The following VAPB variants were observed in gnomAD, a reference collection of about 807,000 sequenced individuals.
VAPB encodes the protein vesicle-associated membrane protein-associated protein B/C.
A neutral mutation model predicts 25.6 loss-of-function variants in VAPB; 7 were observed. The observed-to-expected ratio is 0.27, with a 90% confidence interval of 0.16 to 0.51. The LOEUF (loss-of-function observed/expected upper bound fraction) is 0.51, where lower values mean the gene tolerates loss of function less well. Among genes scored for constraint, VAPB ranks in the 20% least tolerant of loss-of-function variants. The pLI, the probability that VAPB is intolerant of heterozygous loss-of-function variation, is 0.97. For synonymous variants in VAPB, 112 were observed against 109.2 expected, an observed-to-expected ratio of 1.03 and a Z score of -0.16; for missense variants, 266 against 301.3, an observed-to-expected ratio of 0.88 and a Z score of 0.87.
intron 1 of VAPB, among the ~76,000 whole-genome samples, chr20:58,411,682 T>A (rs1988383697): frequency 6.6e-6 from 1 of 151,954 alleles, no homozygotes; most frequent in African/African-American, 2.4e-5. Context: ...ATTTTATTTT[T>A]ATTATTTTTT....
chr20:58,444,672 G>T lies in VAPB; in HGVS notation c.*437G>T. 1 of 454,510 alleles carries T rather than the reference G, an allele frequency of 2.2e-6. No individual in the cohort carries two copies. Among genetic ancestry groups the T allele is most frequent in the South Asian group, 1.6e-5 (1 of 64,482 alleles). 28.2% of individuals were successfully genotyped at this position (454,510 alleles called of 1,614,324 possible). On this transcript the variant is annotated 3_prime_UTR_variant, in exon 6 of 6. Transcript: ENST00000475243. ...GTCAGCTCCACACAGTAGTCCCCAC[G>T]TGGCCCACTCCCGGCCCAGGCTGCT...
chr20:58,446,783 T>C lies in VAPB; in HGVS notation c.*2548T>C. ...AACAGGTGACTGATGGGAAGGTTGA[T>C]TATTTTCTCAGTCATCCTGGCAGCC... On this transcript the variant is annotated 3_prime_UTR_variant, in exon 6 of 6. Transcript: ENST00000475243. 2.2e-6 allele frequency: 1 copy of C among 454,080 alleles called. No homozygotes were observed. The highest frequency in any genetic ancestry group is 1.6e-5 in the South Asian group (1 of 64,472). The allele number at this position is 454,080 out of a possible 1,614,324, so 28.1% of individuals were successfully genotyped here. A position where few individuals can be genotyped will look rare whatever the true frequency, so the allele number is the denominator to read the frequency against.
intron 1 of VAPB, among the ~76,000 whole-genome samples, chr20:58,390,894 C>T (rs767062375): frequency 8.5e-5 from 13 of 152,194 alleles, no homozygotes; most frequent in Non-Finnish European, 1.8e-4. Context: ...GTCACTTTGC[C>T]TTCCAAGTTA....
intron 1 of VAPB, among the ~76,000 whole-genome samples, chr20:58,417,319 G>T (rs1215037023): frequency 6.6e-6 from 1 of 152,186 alleles, no homozygotes; most frequent in African/African-American, 2.4e-5. Flanking sequence ...GCACATGTGT[G>T]TATGTATTGT....
rs1989141693 is a variant in VAPB, at chr20:58,440,756, A to G, written c.397-151A>G. 5.4e-5 allele frequency: 38 copies of G among 699,986 alleles called. 1 individual carries two copies. The South Asian group carries it at 6.5e-4, about 12-fold the overall frequency. 43.4% of individuals were successfully genotyped at this position (699,986 alleles called of 1,614,324 possible). A position where few individuals can be genotyped will look rare whatever the true frequency, so the allele number is the denominator to read the frequency against. ...CTTTAGATTATTAAGATATCAGATAAAGTAATCCATTTTTAAAATAAATGT... is the reference window on the plus strand; with the variant it reads ...CTTTAGATTATTAAGATATCAGATAGAGTAATCCATTTTTAAAATAAATGT... On this transcript the variant is annotated intron_variant, in intron 4 of 5. Transcript: ENST00000475243.
chr20:58,428,681 A>G (rs988748599), intron 2 of VAPB, among the ~76,000 whole-genome samples: 3 of 152,242 alleles, frequency 2.0e-5, no homozygotes, highest in Admixed American at 1.3e-4. Flanking sequence ...ATAGTCTGCC[A>G]TGGTAAAAAG....
intron 1 of VAPB, among the ~76,000 whole-genome samples, chr20:58,409,417 A>AT (rs1363782471): frequency 1.3e-5 from 2 of 152,108 alleles, no homozygotes; most frequent in Non-Finnish European, 2.9e-5. Flanking sequence ...ATTTTAGTGT[A>AT]TTTTTCCCAC....
At chr20:58,410,352 C>T (rs1221558432) in intron 1 of VAPB, among the ~76,000 whole-genome samples, 1 of 152,232 alleles carries the variant, frequency 6.6e-6, no homozygotes, top group Middle Eastern at 3.4e-3. Context: ...TTTTACTGTC[C>T]TAAAACTGCT....
intron 1 of VAPB, among the ~76,000 whole-genome samples, chr20:58,395,235 T>C (rs1050002219): frequency 1.4e-5 from 2 of 146,212 alleles, no homozygotes; most frequent in African/African-American, 5.1e-5. Flanking sequence ...CACTGCAACC[T>C]CCGCCTCCTG....
rs1266795904 is a variant in VAPB at position 58,445,521 on chromosome 20, G to C, written c.*1286G>C. ...GTTTGACTATGTAGCATCTTGAAAA[G>C]AAAAATTATAATAAAGCCCCAAAAT... is the stretch of plus-strand genomic sequence containing the variant. On this transcript the variant is annotated 3_prime_UTR_variant, in exon 6 of 6. Coordinates refer to ENST00000475243, the MANE Select transcript of VAPB (RefSeq NM_004738.5). 1 of 454,306 alleles carries C rather than the reference G, an allele frequency of 2.2e-6. No homozygotes were observed. The highest frequency in any genetic ancestry group is 2.4e-5 in the Admixed American group (1 of 42,548). 28.1% of individuals were successfully genotyped at this position (454,306 alleles called of 1,614,324 possible). A position where few individuals can be genotyped will look rare whatever the true frequency, so the allele number is the denominator to read the frequency against.
chr20:58,445,068 G>C lies in VAPB; in HGVS notation c.*833G>C, dbSNP rs900811227. The stretch of plus-strand genomic sequence containing the variant: ...CTGCTGGAGGGCTGTGGGCTCCTCT[G>C]TCTCTGGAGAGTCTGGTCATGTGGA... On this transcript the variant is annotated 3_prime_UTR_variant, in exon 6 of 6. Coordinates refer to ENST00000475243, the MANE Select transcript of VAPB (RefSeq NM_004738.5). 2.2e-6 allele frequency: 1 copy of C among 454,634 alleles called. No individual in the cohort carries two copies. The highest frequency in any genetic ancestry group is 2.0e-5 in the African/African-American group (1 of 49,988). 28.2% of individuals were successfully genotyped at this position (454,634 alleles called of 1,614,324 possible). A position where few individuals can be genotyped will look rare whatever the true frequency, so the allele number is the denominator to read the frequency against.
At chr20:58,420,257 T>G (rs1003664475) in intron 2 of VAPB, among the ~76,000 whole-genome samples, 5 of 152,206 alleles carry the variant, frequency 3.3e-5, no homozygotes, top group Non-Finnish European at 7.3e-5. Flanking sequence ...AGTGCTGGGA[T>G]TACAGGCGTG....
At chr20:58,409,638 A>G (rs1282095027) in intron 1 of VAPB, among the ~76,000 whole-genome samples, 2 of 152,210 alleles carry the variant, frequency 1.3e-5, no homozygotes, top group African/African-American at 4.8e-5. Context: ...ATAAAATAAT[A>G]TAGCTTTTTT....
chr20:58,395,472 T>G (rs981774739), intron 1 of VAPB, among the ~76,000 whole-genome samples: 2 of 152,122 alleles, frequency 1.3e-5, no homozygotes, highest in African/African-American at 4.8e-5. Context: ...ATATCCCCAC[T>G]TTTTTGAAAA....
chr20:58,435,020 C>A (rs547370948), intron 3 of VAPB, among the ~76,000 whole-genome samples: 1 of 152,260 alleles, frequency 6.6e-6, no homozygotes, highest in African/African-American at 2.4e-5. Flanking sequence ...CCTCTCCTTT[C>A]TGCCCCGACA....
intron 1 of VAPB, among the ~76,000 whole-genome samples, chr20:58,407,827 TC>T (rs1988269938): frequency 6.6e-6 from 1 of 152,230 alleles, no homozygotes; most frequent in South Asian, 2.1e-4. Context: ...TGTATAGTAT[TC>T]CTTCATGAGA....
At chr20:58,414,511 G>C (rs555284859) in intron 1 of VAPB, among the ~76,000 whole-genome samples, 1 of 151,932 alleles carries the variant, frequency 6.6e-6, no homozygotes, top group African/African-American at 2.4e-5. Context: ...TCTCAGACGG[G>C]GCGGTGGGGC....
chr20:58,447,888 G>C lies in VAPB; in HGVS notation c.*3653G>C. The C allele has an allele frequency of 2.2e-6, 1 of 453,580 alleles. No individual in the cohort carries two copies. The highest frequency in any genetic ancestry group is 4.4e-6 in the Non-Finnish European group (1 of 226,724). 28.1% of individuals were successfully genotyped at this position (453,580 alleles called of 1,614,324 possible). A position where few individuals can be genotyped will look rare whatever the true frequency, so the allele number is the denominator to read the frequency against. ...ATGTATGAAGAGATAGGGGTCTTGGGCTTCCCAGTGTCACTTTGAACACCT... is the reference window on the plus strand; with the variant it reads ...ATGTATGAAGAGATAGGGGTCTTGGCCTTCCCAGTGTCACTTTGAACACCT... On this transcript the variant is annotated 3_prime_UTR_variant, in exon 6 of 6. Transcript: ENST00000475243.
In VAPB at chr20:58,409,904, TACACAC is replaced by T. The variant is rs34649242; in HGVS notation, c.59-8281_59-8276del. On this transcript the variant is annotated intron_variant, in intron 1 of 5. Coordinates refer to ENST00000475243, the MANE Select transcript of VAPB (RefSeq NM_004738.5). ...GCACAACAAAGAATCTTTATTCATA[TACACAC>T]ACACACACACACACACACACACACA... Among the ~76,000 whole-genome samples, 78 of 148,210 alleles carry T rather than the reference TACACAC, an allele frequency of 5.3e-4. No homozygotes were observed. In the Middle Eastern group the frequency reaches 0.011, roughly 20 times the overall value.
Sources: gnomAD v4.1 joint callset for allele counts (sites outside exome capture counted in the v4.1 genomes callset) on GRCh38, gnomAD v4.1.1 for gene constraint, MANE v1.5 for transcripts, NCBI Gene and HGNC (gene_info 2026-07-23, HGNC 2026-07-21) for gene names.